Variants in STK32A observed in about 807,000 individuals in gnomAD.
The protein encoded by STK32A is serine/threonine-protein kinase 32A.
A neutral mutation model predicts 53.2 loss-of-function variants in STK32A; 41 were observed. That is an observed-to-expected ratio of 0.77 (90% confidence interval 0.60 to 1.00). The LOEUF (loss-of-function observed/expected upper bound fraction) is 1.00. STK32A is among the 50% of genes least tolerant of loss of function. The pLI, the probability that STK32A is intolerant of heterozygous loss-of-function variation, is 0.00. For synonymous variants in STK32A, 166 were observed against 162.8 expected (o/e 1.02, Z -0.15); for missense variants, 458 against 485.8 (o/e 0.94, Z 0.54).
intron 4 of STK32A, among the ~76,000 whole-genome samples, chr5:147,285,662 C>T (rs1752292453): frequency 6.6e-6 from 1 of 152,032 alleles, no homozygotes; most frequent in Admixed American, 6.6e-5. Context: ...AGAAGATATA[C>T]AAATGGCCAG....
At chr5:147,316,782 G>A (rs971558737) in intron 4 of STK32A, among the ~76,000 whole-genome samples, 46 of 145,272 alleles carry the variant, frequency 3.2e-4, no homozygotes, top group African/African-American at 1.1e-3. Flanking sequence ...CTGAGCCCAG[G>A]AGTTCAAGGC....
intron 2 of STK32A, among the ~76,000 whole-genome samples, chr5:147,272,284 C>T (rs1581022447): frequency 6.6e-6 from 1 of 152,130 alleles, no homozygotes; most frequent in African/African-American, 2.4e-5. Flanking sequence ...ACCATGTTGG[C>T]CAGGGTGGTC....
the STK32A span, among the ~76,000 whole-genome samples, chr5:147,397,185 T>C: frequency 8.2e-6 from 1 of 121,562 alleles, no homozygotes; most frequent in African/African-American, 3.3e-5. Flanking sequence ...TATATATATA[T>C]ATATACACAC....
chr5:147,298,959 T>C (rs1217192615), intron 4 of STK32A, among the ~76,000 whole-genome samples: 3 of 151,678 alleles, frequency 2.0e-5, no homozygotes, highest in African/African-American at 4.8e-5. Flanking sequence ...TCTGGTGAGG[T>C]TGGGTGAACC....
At chr5:147,314,377 A>T (rs1232322266) in intron 4 of STK32A, among the ~76,000 whole-genome samples, 2 of 151,964 alleles carry the variant, frequency 1.3e-5, no homozygotes, top group East Asian at 3.9e-4. Context: ...AGGTACCTGT[A>T]TCCCCAGCTA....
At position 147,386,393 on chromosome 5, in the gene STK32A, C is replaced by T. The variant is rs533030408; in HGVS notation, c.*2410C>T. 39 of 152,272 alleles carry T rather than the reference C, an allele frequency of 2.6e-4. No individual in the cohort carries two copies. The highest frequency in any genetic ancestry group is 9.1e-4 in the African/African-American group (38 of 41,538). 9.4% of individuals were successfully genotyped at this position (152,272 alleles called of 1,614,324 possible). ...CAAGCCTTTATGTGCTGTGGACTCA[C>T]CTCCCTAAGTAACCAGGTTCCTCCT... On this transcript the variant is annotated 3_prime_UTR_variant, in exon 13 of 13. Transcript: ENST00000397936.
chr5:147,246,318 A>G (rs1753765306), intron 2 of STK32A, among the ~76,000 whole-genome samples: 1 of 152,326 alleles, frequency 6.6e-6, no homozygotes, highest in East Asian at 1.9e-4. Context: ...AGAAAGCCAG[A>G]AAACAGACCA....
At chr5:147,355,577 C>T (rs1756186954) in intron 7 of STK32A, among the ~76,000 whole-genome samples, 1 of 151,970 alleles carries the variant, frequency 6.6e-6, no homozygotes, top group African/African-American at 2.4e-5. Context: ...ACTCGGGAGG[C>T]TGAGGCAGGA....
chr5:147,335,992 C>T (rs1237052518), intron 5 of STK32A, among the ~76,000 whole-genome samples: 1 of 152,196 alleles, frequency 6.6e-6, no homozygotes, highest in Non-Finnish European at 1.5e-5. Context: ...CATTTGACTA[C>T]AGAATTAATA....
the STK32A span, chr5:147,395,830 TAAC>T: frequency 7.9e-7 from 1 of 1,263,442 alleles, no homozygotes; most frequent in East Asian, 2.5e-5. Flanking sequence ...AGCTAGGAAT[TAAC>T]AATAATAAAG....
chr5:147,397,618 G>A, the STK32A span: 1 of 1,577,984 alleles, frequency 6.3e-7, no homozygotes, highest in Non-Finnish European at 8.7e-7. Flanking sequence ...CTGAGCGTGA[G>A]TGGAACACAA....
At position 147,348,454 on chromosome 5, in the gene STK32A, G is replaced by A. The variant is rs189415578; in HGVS notation, c.473-2611G>A. ...TCTGATTTGTTATAATAGAGTTGAG[G>A]GGGGACGGGGCGTAAGAATCTGCAT... On this transcript the variant is annotated intron_variant, in intron 6 of 12. Coordinates refer to ENST00000397936, the MANE Select transcript of STK32A (RefSeq NM_001112724.2). Among the ~76,000 whole-genome samples the A allele has an allele frequency of 4.3e-4, 65 of 152,248 alleles. No homozygotes were observed. The East Asian group carries it at 0.012, about 28-fold the overall frequency.
intron 4 of STK32A, 64 bp downstream of exon 4, chr5:147,279,462 C>T: frequency 6.9e-7 from 1 of 1,453,112 alleles, no homozygotes; most frequent in Non-Finnish European, 9.3e-7. Context: ...AGGGGAGGTC[C>T]CCAAATGCCT....
intron 4 of STK32A, among the ~76,000 whole-genome samples, chr5:147,288,311 A>G (rs1243594133): frequency 6.6e-6 from 1 of 152,202 alleles, no homozygotes; most frequent in Non-Finnish European, 1.5e-5. Context: ...AATCTGTATC[A>G]TTCTTCCTAA....
At chr5:147,296,017 T>C (rs1752850053) in intron 4 of STK32A, among the ~76,000 whole-genome samples, 1 of 152,182 alleles carries the variant, frequency 6.6e-6, no homozygotes, top group Admixed American at 6.5e-5. Flanking sequence ...CAGCTCTCCC[T>C]CTCCTCCAGG....
chr5:147,329,575 G>A (rs1197101396), intron 5 of STK32A, among the ~76,000 whole-genome samples: 1 of 152,228 alleles, frequency 6.6e-6, no homozygotes, highest in African/African-American at 2.4e-5. Context: ...TGTGGCATGT[G>A]CCATAAAGAA....
intron 2 of STK32A, among the ~76,000 whole-genome samples, chr5:147,255,889 T>C (rs1336917027): frequency 1.3e-5 from 2 of 152,244 alleles, no homozygotes; most frequent in Admixed American, 1.3e-4. Flanking sequence ...TAAATTGATC[T>C]GGTATTCCTC....
chr5:147,323,837 C>G, intron 4 of STK32A, 61 bp from the exon 5 acceptor site: 1 of 1,405,812 alleles, frequency 7.1e-7, no homozygotes, highest in Non-Finnish European at 9.7e-7. Flanking sequence ...TCTCATTTGT[C>G]TCTGAGACTC....
chr5:147,276,285 A>G (rs1199736112), intron 2 of STK32A, among the ~76,000 whole-genome samples: 1 of 152,180 alleles, frequency 6.6e-6, no homozygotes, highest in Non-Finnish European at 1.5e-5. Flanking sequence ...TGAAGCCAGG[A>G]TTGTATATAT....
Sources: allele counts gnomAD v4.1 joint callset (sites outside exome capture counted in the v4.1 genomes callset), GRCh38; gene constraint gnomAD v4.1.1; transcripts MANE v1.5; gene names NCBI Gene and HGNC (gene_info 2026-07-23, HGNC 2026-07-21).